The following LAPTM4B variants were observed in gnomAD, a reference collection of about 807,000 sequenced individuals.
LAPTM4B encodes lysosomal protein transmembrane 4 beta, also known as lysosomal-associated transmembrane protein 4B.
In LAPTM4B, 26 loss-of-function variants were observed where a neutral mutation model predicts 28.5. The ratio of observed to expected loss-of-function variants is 0.91; its 90% CI spans 0.67 to 1.27. The LOEUF (loss-of-function observed/expected upper bound fraction) is 1.27, where lower values mean the gene tolerates loss of function less well. LAPTM4B is among the 50% of genes most tolerant of loss of function. The pLI is 0.00. For missense variants in LAPTM4B, 288 were observed against 285.8 expected (o/e 1.01, Z -0.06); for synonymous variants, 109 against 106.4 (o/e 1.02, Z -0.15).
At chr8:97,828,882 CTT>C (rs527833008) in intron 6 of LAPTM4B, among the ~76,000 whole-genome samples, 3 of 152,194 alleles carry the variant, frequency 2.0e-5, no homozygotes, top group Non-Finnish European at 4.4e-5. Context: ...TCGAATGACT[CTT>C]TTTTGTCTTG....
intron 5 of LAPTM4B, among the ~76,000 whole-genome samples, chr8:97,821,115 A>G (rs992712251): frequency 5.3e-5 from 8 of 151,982 alleles, no homozygotes; most frequent in African/African-American, 1.9e-4. Context: ...AGACGGGTGG[A>G]TCACGAGATC....
At chr8:97,776,949 C>T (rs1816229432) in intron 1 of LAPTM4B, among the ~76,000 whole-genome samples, 1 of 151,990 alleles carries the variant, frequency 6.6e-6, no homozygotes, top group East Asian at 1.9e-4. Flanking sequence ...CTTGCCCGCA[C>T]CTGCCCTGCG....
chr8:97,840,087 T>G (rs1460992243), intron 6 of LAPTM4B, among the ~76,000 whole-genome samples: 1 of 152,204 alleles, frequency 6.6e-6, no homozygotes, highest in African/African-American at 2.4e-5. Context: ...GCGTAGCACA[T>G]TCAGGCTTCA....
intron 6 of LAPTM4B, among the ~76,000 whole-genome samples, chr8:97,826,383 C>T (rs578027961): frequency 6.6e-6 from 1 of 152,198 alleles, no homozygotes; most frequent in African/African-American, 2.4e-5. Context: ...GTGTTCTGCT[C>T]AACCCCTTTA....
At chr8:97,786,395 A>G (rs900884115) in intron 1 of LAPTM4B, among the ~76,000 whole-genome samples, 1 of 132,054 alleles carries the variant, frequency 7.6e-6, no homozygotes, top group South Asian at 2.5e-4. Context: ...ATTAGTAAAC[A>G]TAACATTGAA....
chr8:97,782,395 C>T (rs1238308576), intron 1 of LAPTM4B, among the ~76,000 whole-genome samples: 1 of 149,260 alleles, frequency 6.7e-6, no homozygotes, highest in Admixed American at 6.7e-5. Flanking sequence ...ATTTCAGCCT[C>T]CCAAGTAGCT....
chr8:97,823,236 T>G (rs905628597), intron 5 of LAPTM4B, among the ~76,000 whole-genome samples: 4 of 152,134 alleles, frequency 2.6e-5, no homozygotes, highest in Non-Finnish European at 5.9e-5. Flanking sequence ...CAGGTCGAGG[T>G]TTTTCCCCTT....
intron 6 of LAPTM4B, among the ~76,000 whole-genome samples, chr8:97,848,507 A>C (rs1164091361): frequency 6.6e-6 from 1 of 151,676 alleles, no homozygotes; most frequent in Non-Finnish European, 1.5e-5. Context: ...TGGGTGTGAT[A>C]GCTGATTTTT....
At chr8:97,845,367 C>T (rs1350795097) in intron 6 of LAPTM4B, among the ~76,000 whole-genome samples, 1 of 150,248 alleles carries the variant, frequency 6.7e-6, no homozygotes, top group Non-Finnish European at 1.5e-5. Context: ...TAAACTTTTA[C>T]CTAGTCCCAG....
At chr8:97,838,301 A>G (rs1817292315) in intron 6 of LAPTM4B, among the ~76,000 whole-genome samples, 1 of 152,166 alleles carries the variant, frequency 6.6e-6, no homozygotes, top group Admixed American at 6.5e-5. Context: ...CAGTGTGCCC[A>G]CCAGTTCCAT....
intron 2 of LAPTM4B, among the ~76,000 whole-genome samples, chr8:97,815,055 A>G (rs1357092195): frequency 2.0e-5 from 3 of 152,170 alleles, no homozygotes; most frequent in Non-Finnish European, 1.5e-5. Context: ...TGAGGCACAC[A>G]TGAGTTTACA....
chr8:97,783,893 C>G (rs1333878341), intron 1 of LAPTM4B, among the ~76,000 whole-genome samples: 2 of 152,190 alleles, frequency 1.3e-5, no homozygotes, highest in African/African-American at 4.8e-5. Context: ...GCACGTAATA[C>G]ATTTGTATGC....
At chr8:97,833,644 G>A (rs374334430) in intron 6 of LAPTM4B, among the ~76,000 whole-genome samples, 4 of 152,238 alleles carry the variant, frequency 2.6e-5, no homozygotes, top group African/African-American at 9.6e-5. Context: ...TGCATTACCA[G>A]CGAATTATTT....
At chr8:97,831,126 T>G (rs1424368143) in intron 6 of LAPTM4B, among the ~76,000 whole-genome samples, 2 of 152,146 alleles carry the variant, frequency 1.3e-5, no homozygotes, top group Non-Finnish European at 2.9e-5. Flanking sequence ...TCCTGAGGAT[T>G]GAGGATGATA....
chr8:97,798,936 A>T (rs991465895), intron 1 of LAPTM4B, among the ~76,000 whole-genome samples: 1 of 152,252 alleles, frequency 6.6e-6, no homozygotes, highest in East Asian at 1.9e-4. Flanking sequence ...CGACGTCGTC[A>T]TAGTCCTTCC....
intron 1 of LAPTM4B, among the ~76,000 whole-genome samples, chr8:97,804,629 AG>A (rs1293465464): frequency 1.3e-5 from 2 of 152,246 alleles, no homozygotes; most frequent in African/African-American, 4.8e-5. Context: ...TAAAGCACTT[AG>A]CATAGTGCCT....
intron 1 of LAPTM4B, among the ~76,000 whole-genome samples, chr8:97,790,826 G>A (rs1464231420): frequency 2.0e-5 from 3 of 151,932 alleles, no homozygotes; most frequent in Non-Finnish European, 4.4e-5. Flanking sequence ...CGCAACTTTC[G>A]CCTCCTGGGT....
chr8:97,817,445 C>CTTTTTTTTTTTT (rs753483537), intron 4 of LAPTM4B, among the ~76,000 whole-genome samples: 2 of 89,004 alleles, frequency 2.2e-5, no homozygotes. Context: ...GCCAACTTTA[C>CTTTTTTTTTTTT]TTTTTTTTTT....
In LAPTM4B at chr8:97,775,815, G is replaced by A. The variant is rs774628009; in HGVS notation, c.-195G>A. On this transcript the variant is annotated 5_prime_UTR_variant, in exon 1 of 7. Coordinates refer to ENST00000521545, the MANE Select transcript of LAPTM4B (RefSeq NM_018407.6). Reference sequence around the variant, plus strand: ...CCCCGCCGCTGCAGCGGTCGCCTTCGGAGCGAAGGGTACCGACCCGGCAGA... The same window carrying A: ...CCCCGCCGCTGCAGCGGTCGCCTTCAGAGCGAAGGGTACCGACCCGGCAGA... 5 of 1,564,696 alleles carry A rather than the reference G, an allele frequency of 3.2e-6. No homozygotes were observed. The African/African-American group carries it at 5.4e-5, about 17-fold the overall frequency.
Sources: allele counts gnomAD v4.1 joint callset (sites outside exome capture counted in the v4.1 genomes callset), GRCh38; gene constraint gnomAD v4.1.1; transcripts MANE v1.5; gene names NCBI Gene and HGNC (gene_info 2026-07-23, HGNC 2026-07-21).